Variants in SLC4A4 observed in about 807,000 individuals in gnomAD.
The protein encoded by SLC4A4 is electrogenic sodium bicarbonate cotransporter 1.
In SLC4A4, 27 loss-of-function variants were observed where a neutral mutation model predicts 111.5. The ratio of observed to expected loss-of-function variants is 0.24; its 90% CI spans 0.18 to 0.33. SLC4A4 has a LOEUF of 0.33. Among genes scored for constraint, SLC4A4 ranks in the 10% least tolerant of loss-of-function variants. The probability of loss-of-function intolerance (pLI) is 1.00; values close to 1 mark genes in which losing one functional copy is unlikely to be tolerated. For synonymous variants in SLC4A4, 443 were observed against 463.4 expected (o/e 0.96, Z 0.57); for missense variants, 909 against 1,315.5 (o/e 0.69, Z 4.78).
chr4:71,149,251 C>CATT (rs1050437231), intron 2 of SLC4A4, among the ~76,000 whole-genome samples: 17 of 151,592 alleles, frequency 1.1e-4, no homozygotes, highest in South Asian at 2.1e-4. Flanking sequence ...TGAAGGCACT[C>CATT]ATTATTATTA....
intron 1 of SLC4A4, among the ~76,000 whole-genome samples, chr4:71,207,231 G>C (rs2602104): frequency 0.16 from 24,125 of 152,122 alleles, 3,114 homozygotes; most frequent in African/African-American, 0.33. Flanking sequence ...CAAACACTAT[G>C]GTCCCTTGAA....
At chr4:71,517,023 A>C (rs920479511) in intron 16 of SLC4A4, among the ~76,000 whole-genome samples, 4 of 151,534 alleles carry the variant, frequency 2.6e-5, no homozygotes. Flanking sequence ...CTGCTTCAAG[A>C]TTTTCTCTTT....
At chr4:71,277,598 C>G (rs201657525) in intron 3 of SLC4A4, among the ~76,000 whole-genome samples, 2 of 145,430 alleles carry the variant, frequency 1.4e-5, no homozygotes, top group Admixed American at 7.0e-5. Flanking sequence ...CTTTCTTTCT[C>G]TCTCTCTCCT....
intron 16 of SLC4A4, among the ~76,000 whole-genome samples, chr4:71,499,379 G>T (rs1417430079): frequency 6.6e-6 from 1 of 152,112 alleles, no homozygotes; most frequent in Non-Finnish European, 1.5e-5. Flanking sequence ...ATATGTATAT[G>T]TTGTGGAATG....
chr4:71,382,719 G>C (rs1028449757), intron 6 of SLC4A4, among the ~76,000 whole-genome samples: 2 of 152,160 alleles, frequency 1.3e-5, no homozygotes, highest in Admixed American at 6.5e-5. Flanking sequence ...GGTTAGATGA[G>C]TTCCAGTTGC....
intron 7 of SLC4A4, among the ~76,000 whole-genome samples, chr4:71,398,304 A>T (rs185464906): frequency 8.2e-4 from 123 of 150,504 alleles, no homozygotes; most frequent in African/African-American, 2.8e-3. Context: ...AAAAAAAAAG[A>T]AATGCTAAGA....
At chr4:71,252,595 C>T (rs1578680975) in intron 2 of SLC4A4, among the ~76,000 whole-genome samples, 1 of 152,302 alleles carries the variant, frequency 6.6e-6, no homozygotes, top group South Asian at 2.1e-4. Flanking sequence ...AAGGCAATAT[C>T]TTCCTCATCC....
chr4:71,338,208 T>C (rs923652747), intron 3 of SLC4A4, among the ~76,000 whole-genome samples: 1 of 152,160 alleles, frequency 6.6e-6, no homozygotes, highest in Non-Finnish European at 1.5e-5. Flanking sequence ...GTTGAATATT[T>C]TTCATGGGTT....
chr4:71,205,961 A>G (rs1017074972), intron 1 of SLC4A4, among the ~76,000 whole-genome samples: 11 of 152,206 alleles, frequency 7.2e-5, no homozygotes, highest in South Asian at 2.1e-4. Context: ...TTAATTGTGC[A>G]TTTGTAATTT....
At chr4:71,154,308 G>A (rs1218346355) in intron 2 of SLC4A4, among the ~76,000 whole-genome samples, 3 of 152,170 alleles carry the variant, frequency 2.0e-5, no homozygotes, top group East Asian at 1.9e-4. Context: ...GGGAAGCACT[G>A]CCTCATAGGC....
chr4:71,236,864 T>C (rs2149038265), intron 2 of SLC4A4, among the ~76,000 whole-genome samples: 1 of 152,318 alleles, frequency 6.6e-6, no homozygotes, highest in Non-Finnish European at 1.5e-5. Flanking sequence ...TCTTGCCTGG[T>C]TTAAAAAAAG....
intron 18 of SLC4A4, among the ~76,000 whole-genome samples, chr4:71,536,485 T>C (rs4257633): frequency 2.4e-5 from 2 of 84,024 alleles, no homozygotes; most frequent in African/African-American, 5.0e-5. Flanking sequence ...TATATATATA[T>C]ATGTATATAT....
At chr4:71,269,682 A>G (rs925010422) in intron 3 of SLC4A4, among the ~76,000 whole-genome samples, 6 of 152,252 alleles carry the variant, frequency 3.9e-5, no homozygotes, top group Non-Finnish European at 8.8e-5. Context: ...TGTCATGTCC[A>G]TGATTATGTT....
chr4:71,557,687 G>A (rs1410540461), intron 21 of SLC4A4, 25 bp from the exon 22 acceptor site: 7 of 1,610,040 alleles, frequency 4.3e-6, no homozygotes, highest in Non-Finnish European at 5.9e-6. Context: ...AATGCAGTTG[G>A]ACTCCTTTCC....
upstream of SLC4A4, among the ~76,000 whole-genome samples, chr4:71,183,715 C>T (rs1458353929): frequency 2.0e-5 from 3 of 152,216 alleles, no homozygotes; most frequent in East Asian, 3.8e-4. Flanking sequence ...AATGATCATT[C>T]TGTTGCAAAC....
chr4:71,484,674 T>C (rs1370552431), intron 14 of SLC4A4, among the ~76,000 whole-genome samples: 2 of 151,918 alleles, frequency 1.3e-5, no homozygotes, highest in Non-Finnish European at 2.9e-5. Flanking sequence ...AATAGTTTTT[T>C]CTACTTCCAC....
Position 71,311,890 on chromosome 4 carries a change from TGAGA to T in SLC4A4, c.254-27439_254-27436del, listed in dbSNP as rs761331086. Among the ~76,000 whole-genome samples, 336 of 76,600 alleles carry T rather than the reference TGAGA, an allele frequency of 4.4e-3. 3 individuals are homozygous for T. Among genetic ancestry groups the T allele is most frequent in the Middle Eastern group, 0.017 (2 of 116 alleles). The allele number at this position is 76,600 out of a possible 152,430, so 50.3% of individuals were successfully genotyped here. A position where few individuals can be genotyped will look rare whatever the true frequency, so the allele number is the denominator to read the frequency against. ...GAGCCTGAGCAAATGTGCAAGGCTG[TGAGA>T]GAGAGAGAGAGAGAGAGAGAGAGAG... On this transcript the variant is annotated intron_variant, in intron 3 of 25. Coordinates refer to ENST00000264485, the MANE Select transcript of SLC4A4 (RefSeq NM_001098484.3).
chr4:71,208,547 G>A (rs1717932419), intron 1 of SLC4A4, among the ~76,000 whole-genome samples: 1 of 151,314 alleles, frequency 6.6e-6, no homozygotes, highest in Non-Finnish European at 1.5e-5. Flanking sequence ...AATAAAATGT[G>A]GTATTACACA....
chr4:71,101,601 G>A (rs1271437150), intron 2 of SLC4A4, among the ~76,000 whole-genome samples: 5 of 152,138 alleles, frequency 3.3e-5, no homozygotes, highest in Non-Finnish European at 7.3e-5. Flanking sequence ...CTCCTCAGGT[G>A]GGTCCCTGAC....
Sources: allele counts gnomAD v4.1 joint callset (sites outside exome capture counted in the v4.1 genomes callset), GRCh38; gene constraint gnomAD v4.1.1; transcripts MANE v1.5; gene names NCBI Gene and HGNC (gene_info 2026-07-23, HGNC 2026-07-21).